DNAH14: variants seen among roughly 807,000 people sequenced by gnomAD.
DNAH14 encodes axonemal beta dynein heavy chain 14.
Under a neutral mutation model 520.9 loss-of-function variants are expected in DNAH14, and 478 were observed. The observed-to-expected ratio is 0.92, with a 90% CI of 0.85 to 0.99. The LOEUF is 0.99. Among genes scored for constraint, DNAH14 ranks in the 50% least tolerant of loss-of-function variants. DNAH14 has a pLI of 0.00. For missense variants in DNAH14, 4,831 were observed against 5,234.5 expected, an observed-to-expected ratio of 0.92 and a Z score of 2.38; for synonymous variants, 1,581 against 1,757.2, an observed-to-expected ratio of 0.90 and a Z score of 2.51.
At chr1:225,043,490 CCAAA>C (rs2067668780) in intron 13 of DNAH14, among the ~76,000 whole-genome samples, 1 of 152,078 alleles carries the variant, frequency 6.6e-6, no homozygotes. Context: ...ATCTCAAAAC[CCAAA>C]CAGTTTCTCA....
At chr1:225,107,256 A>C (rs1034619168) in intron 23 of DNAH14, among the ~76,000 whole-genome samples, 12 of 152,146 alleles carry the variant, frequency 7.9e-5, no homozygotes, top group African/African-American at 2.9e-4. Context: ...TCAGAGGAGT[A>C]CCTGGCCGTG....
At chr1:225,241,977 A>C (rs2091991502) in intron 43 of DNAH14, among the ~76,000 whole-genome samples, 1 of 152,154 alleles carries the variant, frequency 6.6e-6, no homozygotes, top group Non-Finnish European at 1.5e-5. Flanking sequence ...TAATCCCAGC[A>C]CTTTGGGAGG....
intron 54 of DNAH14, among the ~76,000 whole-genome samples, chr1:225,285,856 C>A (rs912104398): frequency 1.3e-5 from 2 of 152,008 alleles, no homozygotes; most frequent in Non-Finnish European, 2.9e-5. Context: ...GACCCTGTCT[C>A]AAAAAAATAG....
At position 225,140,870 on chromosome 1, in the gene DNAH14, G is replaced by C; in HGVS notation, c.4357G>C (p.Glu1453Gln). The C allele has an allele frequency of 6.4e-7, 1 of 1,551,298 alleles. No individual in the cohort carries two copies. The highest frequency in any genetic ancestry group is 1.2e-5 in the South Asian group (1 of 84,036). The change falls in exon 28 of 86, where the codon GAG becomes CAG. Residue 1453 changes from glutamate to glutamine, a missense_variant. Physicochemically the swap from Glu to Gln is conservative, Grantham distance 29. Transcript: ENST00000682510. ...CGCTGGTCTGATGTGTCATCTAGAA[G>C]AGGTTGCAGACCTGGTAGTGCTGGA... is the stretch of plus-strand genomic sequence containing the variant. ...VHAGLMCHLE[E>Q]VADLVVLDTS...
chr1:225,077,364 T>A (rs1325821012), intron 17 of DNAH14, among the ~76,000 whole-genome samples: 1 of 152,236 alleles, frequency 6.6e-6, no homozygotes, highest in Non-Finnish European at 1.5e-5. Flanking sequence ...TTTACCATCC[T>A]TATCTGGTTT....
At chr1:224,950,610 G>A (rs2060105742) in intron 1 of DNAH14, among the ~76,000 whole-genome samples, 1 of 152,216 alleles carries the variant, frequency 6.6e-6, no homozygotes, top group Non-Finnish European at 1.5e-5. Flanking sequence ...GTAATGATGA[G>A]AGCATGAATA....
chr1:225,104,895 C>T (rs9919334), intron 23 of DNAH14, among the ~76,000 whole-genome samples: 7,247 of 152,124 alleles, frequency 0.048, 495 homozygotes, highest in African/African-American at 0.15. Context: ...TTCAGTTCTG[C>T]TCTGGTCTTA....
chr1:225,052,926 T>C (rs2068683461), intron 17 of DNAH14, among the ~76,000 whole-genome samples: 2 of 152,280 alleles, frequency 1.3e-5, no homozygotes, highest in South Asian at 4.1e-4. Flanking sequence ...GGACATAGGA[T>C]GCTTCTAGCT....
intron 23 of DNAH14, among the ~76,000 whole-genome samples, chr1:225,108,395 T>A (rs2076247602): frequency 6.6e-6 from 1 of 152,196 alleles, no homozygotes; most frequent in Admixed American, 6.5e-5. Flanking sequence ...TGTAAGTCAA[T>A]ACTCCTTAAT....
At chr1:225,148,193 C>A (rs968496356) in intron 31 of DNAH14, among the ~76,000 whole-genome samples, 1 of 151,970 alleles carries the variant, frequency 6.6e-6, no homozygotes, top group African/African-American at 2.4e-5. Context: ...GTTTTTAGGT[C>A]TTTGAGGAAT....
At chr1:225,138,831 G>A (rs965223354) in intron 27 of DNAH14, among the ~76,000 whole-genome samples, 3 of 151,756 alleles carry the variant, frequency 2.0e-5, no homozygotes, top group Non-Finnish European at 4.4e-5. Flanking sequence ...CCTTGAATCC[G>A]AGCTGCTTGC....
intron 54 of DNAH14, among the ~76,000 whole-genome samples, chr1:225,278,478 G>C (rs1486812146): frequency 2.6e-5 from 4 of 152,138 alleles, no homozygotes; most frequent in Non-Finnish European, 4.4e-5. Flanking sequence ...GGTTTTCTCT[G>C]TTCCCTAACG....
intron 41 of DNAH14, among the ~76,000 whole-genome samples, chr1:225,228,709 A>T (rs538769163): frequency 6.6e-6 from 1 of 152,318 alleles, no homozygotes; most frequent in African/African-American, 2.4e-5. Flanking sequence ...AATACGAGTT[A>T]TAACCACTGC....
At position 225,331,549 on chromosome 1, in the gene DNAH14, T is replaced by A; in HGVS notation, c.9836T>A (p.Val3279Asp). 6.4e-7 allele frequency: 1 copy of A among 1,551,478 alleles called. No individual in the cohort carries two copies. Among genetic ancestry groups the A allele is most frequent in the Non-Finnish European group, 8.7e-7 (1 of 1,146,866 alleles). ...MASRRFQCAS[V>D]LLTVLEDEKT... ...AGCAGGCGCTTTCAGTGTGCGTCAGTCTTACTAACTGTCCTGGAAGATGAG... is the reference window on the plus strand; with the variant it reads ...AGCAGGCGCTTTCAGTGTGCGTCAGACTTACTAACTGTCCTGGAAGATGAG... Residue 3279 changes from valine (V) to aspartate (D), a missense_variant, in exon 65 of 86, where the codon GTC becomes GAC. Physicochemically the swap from Val to Asp is radical, Grantham distance 152. Coordinates refer to ENST00000682510, the MANE Select transcript of DNAH14 (RefSeq NM_001367479.1).
chr1:225,328,274 G>C (rs967176019), intron 64 of DNAH14, among the ~76,000 whole-genome samples: 1 of 152,130 alleles, frequency 6.6e-6, no homozygotes, highest in Non-Finnish European at 1.5e-5. Flanking sequence ...AAATTTTACA[G>C]GCCAGTGGAG....
At chr1:225,170,593 A>G (rs148416789) in intron 36 of DNAH14, among the ~76,000 whole-genome samples, 4,211 of 152,344 alleles carry the variant, frequency 0.028, 78 homozygotes, top group Non-Finnish European at 0.037. Flanking sequence ...TATGCAGCCA[A>G]TACAGGAGCA....
At chr1:225,168,168 C>A in intron 36 of DNAH14, 140 bp downstream of exon 36, 1 of 588,288 alleles carries the variant, frequency 1.7e-6, no homozygotes, top group Non-Finnish European at 3.0e-6. Context: ...AATTGTTAGT[C>A]AAGGCTTTAT....
intron 23 of DNAH14, among the ~76,000 whole-genome samples, chr1:225,112,553 T>C (rs1415261491): frequency 6.6e-6 from 1 of 152,176 alleles, no homozygotes; most frequent in African/African-American, 2.4e-5. Flanking sequence ...TTTCAACCCC[T>C]GTCTTCATCT....
intron 13 of DNAH14, among the ~76,000 whole-genome samples, chr1:225,043,446 G>A (rs970580755): frequency 7.2e-5 from 11 of 152,106 alleles, no homozygotes; most frequent in African/African-American, 2.7e-4. Context: ...GATCATTGTT[G>A]TGCATGTCAG....
Sources: gnomAD v4.1 joint callset for allele counts (sites outside exome capture counted in the v4.1 genomes callset) on GRCh38, gnomAD v4.1.1 for gene constraint, MANE v1.5 for transcripts, NCBI Gene and HGNC (gene_info 2026-07-23, HGNC 2026-07-21) for gene names.